ZBTB20: variants seen among roughly 807,000 people sequenced by gnomAD.
ZBTB20 encodes the protein zinc finger and BTB domain-containing protein 20.
In ZBTB20, 9 loss-of-function variants were observed where a neutral mutation model predicts 56.9. The ratio of observed to expected loss-of-function variants is 0.16; its 90% CI spans 0.10 to 0.28. The LOEUF is 0.28. ZBTB20 is among the 10% of genes least tolerant of loss of function. ZBTB20 has a pLI of 1.00. For synonymous variants in ZBTB20, 417 were observed against 420.7 expected, an observed-to-expected ratio of 0.99 and a Z score of 0.11; for missense variants, 655 against 1,003.0, an observed-to-expected ratio of 0.65 and a Z score of 4.69.
At chr3:114,665,571 A>G (rs1185837561) in intron 6 of ZBTB20, among the ~76,000 whole-genome samples, 2 of 152,052 alleles carry the variant, frequency 1.3e-5, no homozygotes, top group Non-Finnish European at 2.9e-5. Context: ...AAGTAATGAA[A>G]ATAAGGTTTA....
intron 5 of ZBTB20, among the ~76,000 whole-genome samples, chr3:114,717,709 C>T (rs931901505): frequency 3.9e-5 from 6 of 151,980 alleles, no homozygotes; most frequent in South Asian, 2.1e-4. Flanking sequence ...TAGTTATTAC[C>T]GTATCTTCAC....
chr3:114,900,000 C>G (rs1385035199), intron 4 of ZBTB20, among the ~76,000 whole-genome samples: 1 of 152,096 alleles, frequency 6.6e-6, no homozygotes, highest in East Asian at 1.9e-4. Flanking sequence ...AATGGTCTGA[C>G]CCCACATCAC....
intron 2 of ZBTB20, among the ~76,000 whole-genome samples, chr3:115,021,789 A>G (rs1246397453): frequency 6.6e-6 from 1 of 150,834 alleles, no homozygotes; most frequent in Non-Finnish European, 1.5e-5. Context: ...AAATGTTTGT[A>G]TATTTGTCAA....
chr3:114,790,893 A>C (rs2070916328), intron 5 of ZBTB20, among the ~76,000 whole-genome samples: 1 of 152,098 alleles, frequency 6.6e-6, no homozygotes, highest in African/African-American at 2.4e-5. Context: ...CATTGTTTCC[A>C]ATGCATGATC....
intron 4 of ZBTB20, among the ~76,000 whole-genome samples, chr3:114,870,328 G>C (rs2075948708): frequency 6.6e-6 from 1 of 150,812 alleles, no homozygotes; most frequent in African/African-American, 2.4e-5. Context: ...CCCCTATCAA[G>C]TAAAAACACA....
chr3:114,449,188 C>A (rs529809392), intron 7 of ZBTB20, among the ~76,000 whole-genome samples: 1 of 152,140 alleles, frequency 6.6e-6, no homozygotes, highest in African/African-American at 2.4e-5. Flanking sequence ...GTAAAATAAT[C>A]CATTTGCATT....
At position 114,338,719 on chromosome 3, in the gene ZBTB20, T is replaced by G. The variant is rs2108078878; in HGVS notation, c.*286A>C. On this transcript the variant is annotated 3_prime_UTR_variant, in exon 12 of 12. Transcript: ENST00000675478. ...AAGAAGGGTTGTATTTAGAGGCCAG[T>G]AGCTAGAGATCCAACCAGTGGACCT... 1 of 294,308 alleles carries G rather than the reference T, an allele frequency of 3.4e-6. No homozygotes were observed. The highest frequency in any genetic ancestry group is 6.2e-6 in the Non-Finnish European group (1 of 160,858). The allele number at this position is 294,308 out of a possible 1,614,324, so 18.2% of individuals were successfully genotyped here. A position where few individuals can be genotyped will look rare whatever the true frequency, so the allele number is the denominator to read the frequency against.
At chr3:115,146,224 C>G (rs1027526345) in intron 1 of ZBTB20, among the ~76,000 whole-genome samples, 4 of 152,174 alleles carry the variant, frequency 2.6e-5, no homozygotes, top group African/African-American at 7.2e-5. Flanking sequence ...GCGCTAGGTA[C>G]CGTAGCTGTA....
intron 3 of ZBTB20, among the ~76,000 whole-genome samples, chr3:114,928,400 T>C (rs1229057410): frequency 6.6e-6 from 1 of 150,728 alleles, no homozygotes; most frequent in South Asian, 2.1e-4. Context: ...TCTTCAATGA[T>C]GGAGAACCTC....
intron 4 of ZBTB20, among the ~76,000 whole-genome samples, chr3:114,807,578 T>C (rs1296174529): frequency 6.6e-6 from 1 of 151,984 alleles, no homozygotes; most frequent in Non-Finnish European, 1.5e-5. Context: ...CCTTGCCTCT[T>C]TTCCGATCCT....
intron 1 of ZBTB20, among the ~76,000 whole-genome samples, chr3:115,076,115 A>C (rs1392257032): frequency 6.6e-6 from 1 of 152,186 alleles, no homozygotes; most frequent in Non-Finnish European, 1.5e-5. Context: ...AAAGAAATTC[A>C]AGATGGAAGA....
At chr3:114,787,219 C>T (rs188470038) in intron 5 of ZBTB20, among the ~76,000 whole-genome samples, 1 of 151,292 alleles carries the variant, frequency 6.6e-6, no homozygotes, top group Non-Finnish European at 1.5e-5. Flanking sequence ...CTCAAGCATT[C>T]CTCCTCCCTT....
In ZBTB20 at chr3:114,733,325, G is replaced by A. The variant is rs540647669; in HGVS notation, c.-342-39750C>T. ...GCCTAAGCCTACCTGGATACCCAAC[G>A]CCTGACAGAAGGCTGAAAAGCTGCA... is the stretch of plus-strand genomic sequence containing the variant. On this transcript the variant is annotated intron_variant, in intron 5 of 11. Transcript: ENST00000675478. Among the ~76,000 whole-genome samples the A allele has an allele frequency of 2.9e-3, 438 of 152,234 alleles. 2 individuals carry two copies. The highest frequency in any genetic ancestry group is 4.5e-3 in the Non-Finnish European group (308 of 68,000).
At chr3:114,487,820 C>A (rs1322332960) in intron 7 of ZBTB20, among the ~76,000 whole-genome samples, 1 of 152,210 alleles carries the variant, frequency 6.6e-6, no homozygotes, top group East Asian at 1.9e-4. Context: ...TAGTAATACA[C>A]ATGGGAATCA....
At chr3:115,029,807 G>T (rs1410605591) in intron 2 of ZBTB20, among the ~76,000 whole-genome samples, 1 of 150,804 alleles carries the variant, frequency 6.6e-6, no homozygotes, top group Non-Finnish European at 1.5e-5. Flanking sequence ...AAATACAGAA[G>T]AATTTTTAAT....
At chr3:114,942,479 G>T (rs2076753058) in intron 3 of ZBTB20, among the ~76,000 whole-genome samples, 1 of 145,528 alleles carries the variant, frequency 6.9e-6, no homozygotes, top group South Asian at 2.1e-4. Context: ...TATGTCTGCA[G>T]AAGTTACTTT....
rs1339905441 is a variant in ZBTB20 at position 114,317,233 on chromosome 3, G to A, written c.*21772C>T. 1.3e-5 allele frequency: 2 copies of A among 152,280 alleles called. No homozygotes were observed. Among genetic ancestry groups the A allele is most frequent in the East Asian group, 3.9e-4 (2 of 5,190 alleles). 9.4% of individuals were successfully genotyped at this position (152,280 alleles called of 1,614,324 possible). A position where few individuals can be genotyped will look rare whatever the true frequency, so the allele number is the denominator to read the frequency against. On this transcript the variant is annotated 3_prime_UTR_variant, in exon 12 of 12. Transcript: ENST00000675478. ...CCCATTTCAAAGAGCCTCTCCCATT[G>A]CTCCATTAAAATATTGCATGTGATA...
intron 1 of ZBTB20, among the ~76,000 whole-genome samples, chr3:115,124,295 G>T (rs1384331979): frequency 6.6e-6 from 1 of 152,104 alleles, no homozygotes; most frequent in Non-Finnish European, 1.5e-5. Flanking sequence ...GAATTAGTTT[G>T]AATATTATAA....
At chr3:114,788,182 AT>A (rs1471515256) in intron 5 of ZBTB20, among the ~76,000 whole-genome samples, 22 of 152,068 alleles carry the variant, frequency 1.4e-4, no homozygotes, top group African/African-American at 5.1e-4. Context: ...TCAAAGGTAC[AT>A]TTTTTTATTG....
Sources: gnomAD v4.1 joint callset for allele counts (sites outside exome capture counted in the v4.1 genomes callset) on GRCh38, gnomAD v4.1.1 for gene constraint, MANE v1.5 for transcripts, NCBI Gene and HGNC (gene_info 2026-07-23, HGNC 2026-07-21) for gene names.